Variants in UNC5C observed in about 807,000 individuals in gnomAD.
UNC5C encodes netrin receptor UNC5C.
In UNC5C, 47 loss-of-function variants were observed where a neutral mutation model predicts 99.8. The observed-to-expected ratio is 0.47, with a 90% confidence interval of 0.37 to 0.60. The LOEUF (loss-of-function observed/expected upper bound fraction) is 0.60. UNC5C is among the 20% of genes least tolerant of loss of function. The pLI, the probability that UNC5C is intolerant of heterozygous loss-of-function variation, is 0.00. For synonymous variants in UNC5C, 487 were observed against 452.2 expected (o/e 1.08, Z -0.98); for missense variants, 1,062 against 1,165.9 (o/e 0.91, Z 1.30).
intron 4 of UNC5C, among the ~76,000 whole-genome samples, chr4:95,264,220 T>G (rs766522391): frequency 2.6e-5 from 4 of 152,148 alleles, no homozygotes; most frequent in Non-Finnish European, 4.4e-5. Flanking sequence ...GTCATCCTAC[T>G]TCAGCTGAAA....
At chr4:95,518,174 G>C (rs974832236) in intron 1 of UNC5C, among the ~76,000 whole-genome samples, 2 of 152,072 alleles carry the variant, frequency 1.3e-5, no homozygotes, top group Non-Finnish European at 2.9e-5. Context: ...CTAAGGGTAG[G>C]CAATCTCCTT....
chr4:95,505,933 A>G (rs1721907504), intron 1 of UNC5C, among the ~76,000 whole-genome samples: 1 of 152,078 alleles, frequency 6.6e-6, no homozygotes, highest in Non-Finnish European at 1.5e-5. Flanking sequence ...AACTCATTTC[A>G]AGGGTAAAGA....
At chr4:95,193,410 G>A (rs1036552881) in intron 12 of UNC5C, among the ~76,000 whole-genome samples, 11 of 152,190 alleles carry the variant, frequency 7.2e-5, no homozygotes, top group Admixed American at 6.5e-4. Context: ...GAGTTGTACT[G>A]CAGCGGTGCC....
intron 1 of UNC5C, among the ~76,000 whole-genome samples, chr4:95,544,615 T>C (rs1026622470): frequency 2.6e-5 from 4 of 152,220 alleles, no homozygotes; most frequent in African/African-American, 7.2e-5. Flanking sequence ...TTCTAACAAA[T>C]AGCATTCAGC....
At chr4:95,297,529 A>G (rs2149402464) in intron 3 of UNC5C, among the ~76,000 whole-genome samples, 1 of 152,302 alleles carries the variant, frequency 6.6e-6, no homozygotes, top group African/African-American at 2.4e-5. Context: ...ATCTCATGGA[A>G]CTCACTGGCA....
chr4:95,416,895 G>T (rs2149454344), intron 1 of UNC5C, among the ~76,000 whole-genome samples: 1 of 152,290 alleles, frequency 6.6e-6, no homozygotes, highest in African/African-American at 2.4e-5. Flanking sequence ...TTTACTGAAT[G>T]CATATATTAG....
intron 2 of UNC5C, among the ~76,000 whole-genome samples, chr4:95,314,303 A>T (rs1227448778): frequency 6.6e-6 from 1 of 152,202 alleles, no homozygotes; most frequent in Non-Finnish European, 1.5e-5. Context: ...GATTCTGAAC[A>T]CTAGAAATGA....
chr4:95,339,261 T>C (rs75288715), intron 1 of UNC5C, among the ~76,000 whole-genome samples: 4,321 of 152,128 alleles, frequency 0.028, 173 homozygotes, highest in African/African-American at 0.098. Flanking sequence ...GGCCTTCCTT[T>C]GGATGTTCCC....
rs137937099 is a variant in UNC5C at position 95,245,161 on chromosome 4, A to C, written c.776-17T>G. On this transcript the variant is annotated splice_polypyrimidine_tract_variant and intron_variant, in intron 5 of 15. Transcript: ENST00000453304. ...CACCGTTGACTGAAAGGAGGCAAAC[A>C]GTAAAAAGTGGATTAAACATGTGTG... 8.0e-5 allele frequency: 129 copies of C among 1,607,038 alleles called. 1 individual carries two copies. In the African/African-American group the frequency reaches 1.7e-3, roughly 21 times the overall value.
At chr4:95,375,266 T>C (rs1431951641) in intron 1 of UNC5C, among the ~76,000 whole-genome samples, 1 of 152,130 alleles carries the variant, frequency 6.6e-6, no homozygotes, top group African/African-American at 2.4e-5. Flanking sequence ...AAGAACATAA[T>C]TGAAGAAAGC....
intron 5 of UNC5C, among the ~76,000 whole-genome samples, chr4:95,247,213 C>G (rs1739534736): frequency 6.6e-6 from 1 of 151,748 alleles, no homozygotes. Context: ...ATTACATTAA[C>G]AAAAAATATA....
At chr4:95,386,118 AT>A (rs1450047918) in intron 1 of UNC5C, among the ~76,000 whole-genome samples, 1 of 151,782 alleles carries the variant, frequency 6.6e-6, no homozygotes, top group Non-Finnish European at 1.5e-5. Flanking sequence ...TCTCCCGGTA[AT>A]TTTTCTAATG....
chr4:95,345,590 T>C (rs1462776263), intron 1 of UNC5C, among the ~76,000 whole-genome samples: 3 of 152,000 alleles, frequency 2.0e-5, no homozygotes, highest in Admixed American at 6.6e-5. Flanking sequence ...TTCTCAAGGA[T>C]AGACCATGTG....
intron 1 of UNC5C, among the ~76,000 whole-genome samples, chr4:95,476,249 C>T (rs1748142240): frequency 6.6e-6 from 1 of 152,018 alleles, no homozygotes; most frequent in Admixed American, 6.6e-5. Context: ...TAGTCATGCT[C>T]TCTCTCTTCA....
chr4:95,201,447 ATG>A (rs2149359999), intron 12 of UNC5C, among the ~76,000 whole-genome samples: 1 of 152,232 alleles, frequency 6.6e-6, no homozygotes, highest in East Asian at 1.9e-4. Flanking sequence ...TATTTCTAAT[ATG>A]TATTTTCAAT....
chr4:95,297,860 C>T (rs989344505), intron 3 of UNC5C, among the ~76,000 whole-genome samples: 1 of 152,208 alleles, frequency 6.6e-6, no homozygotes, highest in South Asian at 2.1e-4. Flanking sequence ...TCTCTCATAG[C>T]TGCAGTCTCA....
chr4:95,202,769 G>A lies in UNC5C; in HGVS notation c.2098C>T (p.Arg700Ter). 3.1e-6 allele frequency: 5 copies of A among 1,614,196 alleles called. No homozygotes were observed. The highest frequency in any genetic ancestry group is 4.2e-6 in the Non-Finnish European group (5 of 1,180,034). The change falls in exon 12 of 16, where the codon CGA becomes TGA. Residue 700 changes from arginine (R) to a stop codon, truncating the protein, a stop_gained. Transcript: ENST00000453304. LOFTEE classifies it high-confidence loss of function. ...LCCSSLEYSI[R>*]VYCLDDTQDA... ...TGGGTGTCATCCAGACAGTAGACTC[G>A]GATGCTGTACTCCAGCGAGGAGCAG... is the stretch of plus-strand genomic sequence containing the variant.
intron 1 of UNC5C, among the ~76,000 whole-genome samples, chr4:95,382,421 T>C (rs1268856026): frequency 6.7e-6 from 1 of 150,264 alleles, no homozygotes; most frequent in Non-Finnish European, 1.5e-5. Flanking sequence ...ACTGTACCAC[T>C]GCACTCCAGC....
intron 10 of UNC5C, 128 bp from the exon 11 acceptor site, chr4:95,206,924 G>A: frequency 1.3e-6 from 1 of 770,312 alleles, no homozygotes; most frequent in Non-Finnish European, 1.9e-6. Flanking sequence ...TTTTTTCTGG[G>A]GGGTTGGGGA....
Sources: allele counts gnomAD v4.1 joint callset (sites outside exome capture counted in the v4.1 genomes callset), GRCh38; gene constraint gnomAD v4.1.1; transcripts MANE v1.5; gene names NCBI Gene and HGNC (gene_info 2026-07-23, HGNC 2026-07-21).